DLG2: variants seen among roughly 807,000 people sequenced by gnomAD.
DLG2 encodes the protein disks large homolog 2.
DLG2 carries 45 observed loss-of-function variants against 132.5 expected under a neutral mutation model. That is an observed-to-expected ratio of 0.34 (90% CI 0.27 to 0.44). The LOEUF (loss-of-function observed/expected upper bound fraction) is 0.44, where lower values mean the gene tolerates loss of function less well. Among genes scored for constraint, DLG2 ranks in the 20% least tolerant of loss-of-function variants. The pLI is 1.00. For synonymous variants in DLG2, 424 were observed against 419.6 expected (o/e 1.01, Z -0.13); for missense variants, 1,045 against 1,196.9 (o/e 0.87, Z 1.87).
intron 6 of DLG2, among the ~76,000 whole-genome samples, chr11:84,946,713 C>A (rs2050247861): frequency 6.6e-6 from 1 of 152,144 alleles, no homozygotes; most frequent in South Asian, 2.1e-4. Context: ...TCCTTGGCCA[C>A]CCTAGCTGGT....
intron 6 of DLG2, among the ~76,000 whole-genome samples, chr11:84,557,599 A>G (rs1326142914): frequency 6.6e-6 from 1 of 152,060 alleles, no homozygotes; most frequent in Non-Finnish European, 1.5e-5. Context: ...GATGTGTGCA[A>G]AACTAGATCA....
At chr11:84,156,048 G>A (rs2095421558) in intron 9 of DLG2, among the ~76,000 whole-genome samples, 1 of 152,138 alleles carries the variant, frequency 6.6e-6, no homozygotes, top group African/African-American at 2.4e-5. Flanking sequence ...AGTTGATGGA[G>A]GAGGAAATAA....
At chr11:84,261,913 A>G (rs2097551987) in intron 7 of DLG2, among the ~76,000 whole-genome samples, 1 of 152,166 alleles carries the variant, frequency 6.6e-6, no homozygotes, top group Admixed American at 6.5e-5. Flanking sequence ...ATGAGCTCTT[A>G]TACCACACTG....
intron 17 of DLG2, among the ~76,000 whole-genome samples, chr11:83,803,909 C>T (rs1347093731): frequency 1.3e-5 from 2 of 152,074 alleles, no homozygotes; most frequent in Admixed American, 1.3e-4. Context: ...CAAACTCTGG[C>T]TGCTGCATGT....
At chr11:85,546,611 A>T (rs1289926354) in intron 3 of DLG2, among the ~76,000 whole-genome samples, 1 of 151,976 alleles carries the variant, frequency 6.6e-6, no homozygotes, top group Non-Finnish European at 1.5e-5. Flanking sequence ...TCCCATTATT[A>T]TTGTGTGGGA....
intron 7 of DLG2, among the ~76,000 whole-genome samples, chr11:84,345,813 G>A (rs2098537078): frequency 6.6e-6 from 1 of 152,102 alleles, no homozygotes; most frequent in Non-Finnish European, 1.5e-5. Context: ...AACATGGCCA[G>A]GTCATTTGTC....
At chr11:83,825,132 T>TATAC (rs1565219483) in intron 17 of DLG2, among the ~76,000 whole-genome samples, 1 of 127,612 alleles carries the variant, frequency 7.8e-6, no homozygotes, top group Admixed American at 8.6e-5. Context: ...CATATATATA[T>TATAC]ACACACACAC....
intron 16 of DLG2, among the ~76,000 whole-genome samples, chr11:83,837,791 C>T (rs893023442): frequency 6.7e-6 from 1 of 149,316 alleles, no homozygotes; most frequent in Non-Finnish European, 1.5e-5. Context: ...AGTATCCTTC[C>T]TTTCCTAGCC....
At chr11:85,384,963 A>C (rs2086206092) in intron 3 of DLG2, among the ~76,000 whole-genome samples, 2 of 152,252 alleles carry the variant, frequency 1.3e-5, no homozygotes, top group South Asian at 4.1e-4. Flanking sequence ...TAAATGAGAA[A>C]AAATAAAATT....
chr11:84,413,545 G>T (rs2098917538), intron 7 of DLG2, among the ~76,000 whole-genome samples: 1 of 152,144 alleles, frequency 6.6e-6, no homozygotes, highest in South Asian at 2.1e-4. Context: ...AAACTCACCT[G>T]CAAGACACAT....
At chr11:83,933,157 C>G (rs2080714334) in intron 14 of DLG2, among the ~76,000 whole-genome samples, 1 of 152,186 alleles carries the variant, frequency 6.6e-6, no homozygotes, top group Non-Finnish European at 1.5e-5. Flanking sequence ...GGTGGCAGAA[C>G]AGATGCCACT....
chr11:83,995,070 T>C (rs543105528), intron 11 of DLG2, among the ~76,000 whole-genome samples: 41 of 151,956 alleles, frequency 2.7e-4, no homozygotes, highest in African/African-American at 9.2e-4. Flanking sequence ...GCAAAGACCT[T>C]AGTTCCAAAT....
At chr11:83,582,737 A>G (rs895109950) in intron 19 of DLG2, among the ~76,000 whole-genome samples, 18 of 152,242 alleles carry the variant, frequency 1.2e-4, no homozygotes, top group Non-Finnish European at 7.3e-5. Flanking sequence ...GGAAGATTAG[A>G]TAAGTAGTAA....
At chr11:85,353,953 G>A (rs752805599) in intron 3 of DLG2, among the ~76,000 whole-genome samples, 11 of 151,036 alleles carry the variant, frequency 7.3e-5, no homozygotes, top group Non-Finnish European at 1.0e-4. Context: ...AAATCTGCAC[G>A]TCGTGCACAT....
intron 3 of DLG2, among the ~76,000 whole-genome samples, chr11:85,425,086 A>G (rs1286897281): frequency 6.6e-6 from 1 of 152,232 alleles, no homozygotes; most frequent in Admixed American, 6.5e-5. Context: ...CATAAACCAG[A>G]AGAAATACTA....
At chr11:83,583,099 C>T (rs2097012170) in intron 19 of DLG2, among the ~76,000 whole-genome samples, 1 of 152,208 alleles carries the variant, frequency 6.6e-6, no homozygotes, top group Non-Finnish European at 1.5e-5. Context: ...CATAATCTCT[C>T]ACTTGAGAGT....
intron 19 of DLG2, among the ~76,000 whole-genome samples, chr11:83,554,653 T>A (rs937767762): frequency 2.6e-5 from 4 of 152,210 alleles, no homozygotes; most frequent in African/African-American, 9.6e-5. Flanking sequence ...CAGTGCCAGA[T>A]CTGGGACTAG....
At chr11:84,067,589 C>T (rs2096698200) in intron 10 of DLG2, among the ~76,000 whole-genome samples, 1 of 151,494 alleles carries the variant, frequency 6.6e-6, no homozygotes, top group Non-Finnish European at 1.5e-5. Flanking sequence ...CACACAAACA[C>T]AGGCTGACTC....
intron 6 of DLG2, among the ~76,000 whole-genome samples, chr11:84,715,084 T>C (rs371055663): frequency 1.3e-5 from 2 of 151,908 alleles, no homozygotes; most frequent in Admixed American, 6.6e-5. Context: ...CAGAAAAAAA[T>C]AAAATTTCAG....
Sources: allele counts gnomAD v4.1 joint callset (sites outside exome capture counted in the v4.1 genomes callset), GRCh38; gene constraint gnomAD v4.1.1; transcripts MANE v1.5; gene names NCBI Gene and HGNC (gene_info 2026-07-23, HGNC 2026-07-21).